The following ASIC2 variants were observed in gnomAD, a reference collection of about 807,000 sequenced individuals.
The protein encoded by ASIC2 is acid-sensing ion channel 2.
ASIC2 carries 25 observed loss-of-function variants against 57.3 expected under a neutral mutation model. The ratio of observed to expected loss-of-function variants is 0.44; its 90% CI spans 0.32 to 0.61. The LOEUF (loss-of-function observed/expected upper bound fraction) is 0.61. Among genes scored for constraint, ASIC2 ranks in the 20% least tolerant of loss-of-function variants. The pLI, the probability that ASIC2 is intolerant of heterozygous loss-of-function variation, is 0.06. For synonymous variants in ASIC2, 319 were observed against 307.5 expected, an observed-to-expected ratio of 1.04 and a Z score of -0.39; for missense variants, 641 against 738.1, an observed-to-expected ratio of 0.87 and a Z score of 1.52.
chr17:33,807,915 T>C (rs952904211), intron 1 of ASIC2, among the ~76,000 whole-genome samples: 18 of 152,256 alleles, frequency 1.2e-4, no homozygotes, highest in African/African-American at 4.3e-4. Flanking sequence ...TAAGAGTTAT[T>C]TGTATATTTT....
At chr17:33,236,682 G>A (rs975698454) in intron 1 of ASIC2, among the ~76,000 whole-genome samples, 2 of 152,124 alleles carry the variant, frequency 1.3e-5, no homozygotes, top group Non-Finnish European at 2.9e-5. Context: ...TGAGGATTTT[G>A]AGACAAAATC....
At chr17:33,728,842 A>G (rs1909647433) in intron 1 of ASIC2, among the ~76,000 whole-genome samples, 1 of 152,174 alleles carries the variant, frequency 6.6e-6, no homozygotes, top group Non-Finnish European at 1.5e-5. Context: ...ATCCGTATCT[A>G]CAGAGGAGCC....
At chr17:33,716,359 C>T (rs932224279) in intron 1 of ASIC2, among the ~76,000 whole-genome samples, 7 of 152,236 alleles carry the variant, frequency 4.6e-5, no homozygotes, top group African/African-American at 1.4e-4. Flanking sequence ...ACTACCTCTT[C>T]ACCTCTATCA....
At chr17:33,064,274 T>G (rs1463772425) in intron 3 of ASIC2, among the ~76,000 whole-genome samples, 6 of 152,216 alleles carry the variant, frequency 3.9e-5, no homozygotes, top group Admixed American at 3.3e-4. Context: ...CTCTGTTTTT[T>G]CCCCATCTTT....
At chr17:34,097,199 A>G (rs1910578621) in intron 1 of ASIC2, among the ~76,000 whole-genome samples, 1 of 152,232 alleles carries the variant, frequency 6.6e-6, no homozygotes, top group Non-Finnish European at 1.5e-5. Context: ...TTTAGACGCT[A>G]TAAGGATGCT....
At chr17:33,942,480 C>T (rs893930418) in intron 1 of ASIC2, among the ~76,000 whole-genome samples, 6 of 152,192 alleles carry the variant, frequency 3.9e-5, no homozygotes, top group African/African-American at 1.4e-4. Context: ...AAGGCCAGAA[C>T]TCAGACCCTC....
chr17:33,150,755 C>G, intron 1 of ASIC2, among the ~76,000 whole-genome samples: 1 of 82,160 alleles, frequency 1.2e-5, no homozygotes, highest in South Asian at 4.9e-4. Flanking sequence ...GAGGCTGAGG[C>G]GGGAGAATGG....
At chr17:33,815,176 T>A (rs917883787) in intron 1 of ASIC2, among the ~76,000 whole-genome samples, 1 of 152,170 alleles carries the variant, frequency 6.6e-6, no homozygotes, top group African/African-American at 2.4e-5. Context: ...TCTTTAAATT[T>A]CTCAGTTTCC....
intron 1 of ASIC2, among the ~76,000 whole-genome samples, chr17:33,239,514 C>A (rs1457980429): frequency 6.6e-6 from 1 of 152,142 alleles, no homozygotes; most frequent in Non-Finnish European, 1.5e-5. Flanking sequence ...TGTTTTTTGT[C>A]TCTTTTGCTT....
intron 1 of ASIC2, among the ~76,000 whole-genome samples, chr17:33,363,621 T>C (rs1019890036): frequency 6.6e-6 from 1 of 152,198 alleles, no homozygotes; most frequent in Admixed American, 6.5e-5. Flanking sequence ...CGCATGTCCA[T>C]TTACCACCCA....
intron 1 of ASIC2, among the ~76,000 whole-genome samples, chr17:34,130,306 A>G (rs1459396966): frequency 6.6e-6 from 1 of 152,182 alleles, no homozygotes; most frequent in East Asian, 1.9e-4. Context: ...AGATTCAACC[A>G]CTGCTTTCCA....
chr17:33,147,947 A>C (rs1904629235), intron 1 of ASIC2, among the ~76,000 whole-genome samples: 1 of 152,206 alleles, frequency 6.6e-6, no homozygotes, highest in Admixed American at 6.5e-5. Flanking sequence ...GGAATCCTGC[A>C]ATATCCAAGC....
intron 1 of ASIC2, among the ~76,000 whole-genome samples, chr17:33,783,528 A>C (rs893948259): frequency 6.6e-6 from 1 of 152,244 alleles, no homozygotes; most frequent in African/African-American, 2.4e-5. Context: ...GAGCATTGGC[A>C]GTGGCCTTTA....
chr17:33,856,383 A>G (rs1913929176), intron 1 of ASIC2, among the ~76,000 whole-genome samples: 1 of 152,178 alleles, frequency 6.6e-6, no homozygotes, highest in African/African-American at 2.4e-5. Flanking sequence ...TAGCAGTGCT[A>G]GTGGTGGTGG....
chr17:33,041,620 G>T (rs2091930102), intron 3 of ASIC2, among the ~76,000 whole-genome samples: 1 of 152,244 alleles, frequency 6.6e-6, no homozygotes, highest in South Asian at 2.1e-4. Context: ...CACTGGAATT[G>T]ACAATTCCCC....
At chr17:33,916,155 G>A (rs1474971080) in intron 1 of ASIC2, among the ~76,000 whole-genome samples, 1 of 152,108 alleles carries the variant, frequency 6.6e-6, no homozygotes, top group East Asian at 1.9e-4. Context: ...CCCAACATAT[G>A]AGATTTGGTT....
At chr17:34,100,000 T>C (rs1232463451) in intron 1 of ASIC2, among the ~76,000 whole-genome samples, 1 of 152,032 alleles carries the variant, frequency 6.6e-6, no homozygotes, top group Non-Finnish European at 1.5e-5. Context: ...TGGATCCAAG[T>C]TCCCAGACAC....
rs1347834266 is a variant in ASIC2 at position 34,142,729 on chromosome 17, C to T, written c.555+13249G>A. On this transcript the variant is annotated intron_variant, in intron 1 of 9. Transcript: ENST00000359872. ...CAGAAGTTGAAGCTCTCAATGCTGA[C>T]CTCTTGCCACCTGCTTCCTGAAACA... Among the ~76,000 whole-genome samples the T allele has an allele frequency of 3.3e-5, 5 of 152,170 alleles. No individual in the cohort carries two copies. The East Asian group carries it at 9.6e-4, about 29-fold the overall frequency.
chr17:33,917,502 A>G (rs576678523), intron 1 of ASIC2, among the ~76,000 whole-genome samples: 2 of 152,072 alleles, frequency 1.3e-5, no homozygotes, highest in East Asian at 3.9e-4. Context: ...ATATTTCTCA[A>G]CACCATACCC....
Sources: gnomAD v4.1 joint callset for allele counts (sites outside exome capture counted in the v4.1 genomes callset) on GRCh38, gnomAD v4.1.1 for gene constraint, MANE v1.5 for transcripts, NCBI Gene and HGNC (gene_info 2026-07-23, HGNC 2026-07-21) for gene names.